Variants in NBAS observed in about 807,000 individuals in gnomAD.
NBAS encodes the protein NAG/BC035112 fusion.
Under a neutral mutation model 302.5 loss-of-function variants are expected in NBAS, and 219 were observed. The observed-to-expected ratio is 0.72, with a 90% confidence interval of 0.65 to 0.81. The LOEUF is 0.81. NBAS is among the 30% of genes least tolerant of loss of function. NBAS has a pLI of 0.00. For synonymous variants in NBAS, 1,118 were observed against 1,021.6 expected (o/e 1.09, Z -1.80); for missense variants, 2,932 against 2,841.6 (o/e 1.03, Z -0.72).
chr2:15,247,690 A>C (rs1168398842), intron 44 of NBAS, among the ~76,000 whole-genome samples: 1 of 126,556 alleles, frequency 7.9e-6, no homozygotes, highest in Non-Finnish European at 1.7e-5. Context: ...CTATATATAT[A>C]TCTATATATC....
At chr2:14,803,209 G>T in the NBAS span, among the ~76,000 whole-genome samples, 1 of 152,086 alleles carries the variant, frequency 6.6e-6, no homozygotes, top group East Asian at 1.9e-4. Flanking sequence ...TTTGCCTCTA[G>T]CTAGAAAGAA....
intron 44 of NBAS, among the ~76,000 whole-genome samples, chr2:15,253,110 CTAAGGCTG>C (rs1211010067): frequency 6.6e-6 from 1 of 152,116 alleles, no homozygotes; most frequent in Non-Finnish European, 1.5e-5. Flanking sequence ...GAAGAATGTT[CTAAGGCTG>C]TAACTCTCAA....
In NBAS at chr2:15,374,492, A is replaced by G; in HGVS notation, c.3703+116T>C. 4 of 870,720 alleles carry G rather than the reference A, an allele frequency of 4.6e-6. No homozygotes were observed. The Admixed American group carries it at 5.2e-5, about 11-fold the overall frequency. The allele number at this position is 870,720 out of a possible 1,614,324, so 53.9% of individuals were successfully genotyped here. A position where few individuals can be genotyped will look rare whatever the true frequency, so the allele number is the denominator to read the frequency against. ...AAATAATGGGTCAAGGGCAGGATCTATTGCTAATGGATTACATGACCAAAG... is the reference window on the plus strand; with the variant it reads ...AAATAATGGGTCAAGGGCAGGATCTGTTGCTAATGGATTACATGACCAAAG... On this transcript the variant is annotated intron_variant, in intron 31 of 51. Transcript: ENST00000281513.
At chr2:15,144,914 A>G in the NBAS span, among the ~76,000 whole-genome samples, 1 of 152,238 alleles carries the variant, frequency 6.6e-6, no homozygotes, top group Non-Finnish European at 1.5e-5. Flanking sequence ...AAAAGCTGAC[A>G]ATTTGCAGAA....
the NBAS span, among the ~76,000 whole-genome samples, chr2:14,822,541 T>C: frequency 5.3e-5 from 8 of 152,184 alleles, no homozygotes; most frequent in African/African-American, 1.7e-4. Context: ...CCAAAGGTCA[T>C]GAACCCCAAG....
the NBAS span, among the ~76,000 whole-genome samples, chr2:14,950,498 T>A: frequency 2.8e-4 from 43 of 152,372 alleles, 2 homozygotes; most frequent in South Asian, 8.7e-3. Flanking sequence ...ATTTTATGAA[T>A]GTATTATCAC....
intron 16 of NBAS, among the ~76,000 whole-genome samples, chr2:15,472,028 A>G (rs1171980624): frequency 6.6e-6 from 1 of 152,220 alleles, no homozygotes; most frequent in East Asian, 1.9e-4. Flanking sequence ...AACAGGAAGT[A>G]TCCAGTTTTG....
chr2:15,157,378 C>A, the NBAS span, among the ~76,000 whole-genome samples: 1 of 152,270 alleles, frequency 6.6e-6, no homozygotes, highest in East Asian at 1.9e-4. Context: ...GAGGAGGGCT[C>A]CTTCTCACCC....
rs770120928 is a variant in NBAS at position 15,234,691 on chromosome 2, T to C, written c.6000A>G (p.Lys2000=). ...AAATAGCCACAGCTTCATCATGAAGTTTCTCTTTTTCTGATCGGGACAGAT... is the reference window on the plus strand; with the variant it reads ...AAATAGCCACAGCTTCATCATGAAGCTTCTCTTTTTCTGATCGGGACAGAT... ...LYDLSRSEKE[K]LHDEAVAICL... Residue 2000 remains lysine (K), a synonymous_variant, in exon 46 of 52, where the codon AAA becomes AAG. Transcript: ENST00000281513. 3.7e-6 allele frequency: 6 copies of C among 1,614,134 alleles called. No individual in the cohort carries two copies. In the South Asian group the frequency reaches 6.6e-5, roughly 18 times the overall value.
At chr2:15,489,642 CAAAG>C (rs1399802838) in intron 11 of NBAS, among the ~76,000 whole-genome samples, 2 of 152,126 alleles carry the variant, frequency 1.3e-5, no homozygotes, top group Non-Finnish European at 2.9e-5. Flanking sequence ...TACTACAGAA[CAAAG>C]AAATTTTGTA....
Position 15,402,224 on chromosome 2 carries a change from A to C in NBAS, c.3015T>G (p.Asn1005Lys). The C allele has an allele frequency of 2.5e-6, 4 of 1,613,664 alleles. No homozygotes were observed. The highest frequency in any genetic ancestry group is 3.4e-6 in the Non-Finnish European group (4 of 1,179,714). Residue 1005 changes from asparagine to lysine, a missense_variant, in exon 26 of 52, where the codon AAT (asparagine) becomes AAG (lysine). Physicochemically the swap from Asn to Lys is moderately conservative, Grantham distance 94. Transcript: ENST00000281513. ...GGTCATAGCAAAGACAGAGTTGATC[A>C]TTTCGTTCACAGGTATAGATGCACT... is the stretch of plus-strand genomic sequence containing the variant. ...ALECIYTCER[N>K]DQLCLCYDLL...
At chr2:15,089,858 C>T in the NBAS span, among the ~76,000 whole-genome samples, 15 of 149,994 alleles carry the variant, frequency 1.0e-4, no homozygotes, top group Admixed American at 1.0e-3. Flanking sequence ...CAGCGATTCT[C>T]CTGCCTCAGC....
intron 44 of NBAS, among the ~76,000 whole-genome samples, chr2:15,264,142 A>G (rs2148022616): frequency 6.6e-6 from 1 of 152,360 alleles, no homozygotes; most frequent in Non-Finnish European, 1.5e-5. Flanking sequence ...AAACAGCTGC[A>G]GAACCATGAA....
At chr2:14,908,058 G>A in the NBAS span, among the ~76,000 whole-genome samples, 4 of 152,208 alleles carry the variant, frequency 2.6e-5, no homozygotes, top group African/African-American at 9.6e-5. Context: ...CTCTGGGGGT[G>A]AGTCCCATCA....
chr2:15,124,912 A>G, the NBAS span, among the ~76,000 whole-genome samples: 41 of 152,248 alleles, frequency 2.7e-4, no homozygotes, highest in East Asian at 5.4e-3. Context: ...CCACAGGGAT[A>G]CTCTACTATG....
rs371029230 is a variant in NBAS, at chr2:15,287,167, C to A, written c.5044G>T (p.Val1682Phe). 1 of 1,613,718 alleles carries A rather than the reference C, an allele frequency of 6.2e-7. No individual in the cohort carries two copies. The highest frequency in any genetic ancestry group is 1.7e-5 in the Admixed American group (1 of 59,994). Residue 1682 changes from valine (V) to phenylalanine (F), a missense_variant, in exon 42 of 52, where the codon GTC becomes TTC. Val to Phe is a conservative substitution (Grantham distance 50, BLOSUM62 -1). Transcript: ENST00000281513. ...GCCAGAGAAATAGCAATGCTGTAGA[C>A]GCTTTCCTCTAGAGTTCTGCAGAAA... ...LGLAETLEES[V>F]YSIAISLAQR...
chr2:15,209,947 A>G (rs1321407681), intron 48 of NBAS, among the ~76,000 whole-genome samples: 1 of 152,152 alleles, frequency 6.6e-6, no homozygotes, highest in Admixed American at 6.6e-5. Flanking sequence ...CTAGACCTCT[A>G]TCTCTCACCA....
chr2:15,036,421 A>G, the NBAS span, among the ~76,000 whole-genome samples: 2 of 152,202 alleles, frequency 1.3e-5, no homozygotes, highest in African/African-American at 4.8e-5. Flanking sequence ...ATTTTACAGT[A>G]GAAAGACACA....
At chr2:14,786,936 A>G in the NBAS span, among the ~76,000 whole-genome samples, 1 of 152,132 alleles carries the variant, frequency 6.6e-6, no homozygotes, top group Non-Finnish European at 1.5e-5. Flanking sequence ...AAAGTCTCCC[A>G]TTATTATTGT....
Sources: allele counts gnomAD v4.1 joint callset (sites outside exome capture counted in the v4.1 genomes callset), GRCh38; gene constraint gnomAD v4.1.1; transcripts MANE v1.5; gene names NCBI Gene and HGNC (gene_info 2026-07-23, HGNC 2026-07-21).